The following KCNQ1 variants were observed in gnomAD, a reference collection of about 807,000 sequenced individuals.
KCNQ1 encodes the protein potassium voltage-gated channel subfamily KQT member 1.
Under a neutral mutation model 72.4 loss-of-function variants are expected in KCNQ1, and 49 were observed. The ratio of observed to expected loss-of-function variants is 0.68; its 90% CI spans 0.54 to 0.86. The LOEUF is 0.86. KCNQ1 is among the 40% of genes least tolerant of loss of function. KCNQ1 has a pLI of 0.00. For synonymous variants in KCNQ1, 450 were observed against 412.6 expected (o/e 1.09, Z -1.10); for missense variants, 790 against 945.1 (o/e 0.84, Z 2.15).
chr11:2,472,418 G>T (rs763543021), intron 1 of KCNQ1, among the ~76,000 whole-genome samples: 2 of 151,668 alleles, frequency 1.3e-5, no homozygotes, highest in Non-Finnish European at 2.9e-5. Flanking sequence ...GCACCTATGG[G>T]TGTGTGTGTG....
Position 2,621,854 on chromosome 11 carries a change from A to G in KCNQ1, c.1393+33000A>G, listed in dbSNP as rs11493163. The G allele has an allele frequency of 0.15, 60,003 of 397,820 alleles. 4,811 individuals carry two copies. The highest frequency in any genetic ancestry group is 0.17 in the Non-Finnish European group (39,286 of 225,818). The allele number at this position is 397,820 out of a possible 1,614,324, so 24.6% of individuals were successfully genotyped here. ...TTAGTTTTACTGACTTTTTTCCCCT[A>G]TGGTTTTTCTTTCTAACTTGTCTCT... On this transcript the variant is annotated intron_variant, in intron 10 of 15. Coordinates refer to ENST00000155840, the MANE Select transcript of KCNQ1 (RefSeq NM_000218.3). This position sits in a 1 kb window ranked among gnomAD's most constrained non-coding sequence, Gnocchi z 5.7.
intron 11 of KCNQ1, among the ~76,000 whole-genome samples, chr11:2,716,830 G>T (rs1272001995): frequency 6.6e-6 from 1 of 152,252 alleles, no homozygotes; most frequent in Non-Finnish European, 1.5e-5. Context: ...CACATTTGGA[G>T]GGAGCCGAGG....
At chr11:2,631,733 A>G (rs900847543) in intron 10 of KCNQ1, 1 of 398,620 alleles carries the variant, frequency 2.5e-6, no homozygotes, top group Non-Finnish European at 4.4e-6. Flanking sequence ...ATGAGGATAT[A>G]ATGGAATACT....
At position 2,735,159 on chromosome 11, in the gene KCNQ1, G is replaced by A. The variant is rs1480054446; in HGVS notation, c.1515-33685G>A. Among the ~76,000 whole-genome samples, 1 of 152,190 alleles carries A rather than the reference G, an allele frequency of 6.6e-6. No homozygotes were observed. The highest frequency in any genetic ancestry group is 1.5e-5 in the Non-Finnish European group (1 of 68,024). On this transcript the variant is annotated intron_variant, in intron 11 of 15. Transcript: ENST00000155840. This position sits in a 1 kb window ranked among gnomAD's most constrained non-coding sequence, Gnocchi z 7.7. ...AAACCTGACAGCAGCGCCGCAGCAGGACAGGGAGGGACTGTGTGTGAGAGC... is the reference window on the plus strand; with the variant it reads ...AAACCTGACAGCAGCGCCGCAGCAGAACAGGGAGGGACTGTGTGTGAGAGC...
intron 11 of KCNQ1, chr11:2,665,388 C>G (rs546682651): frequency 1.5e-5 from 6 of 398,214 alleles, no homozygotes; most frequent in African/African-American, 4.1e-5. Context: ...CCCTGTACCC[C>G]AAGAGCCAGG....
At chr11:2,637,044 T>G (rs919971364) in intron 10 of KCNQ1, 1 of 152,218 alleles carries the variant, frequency 6.6e-6, no homozygotes, top group Non-Finnish European at 1.5e-5. Flanking sequence ...CCCTTTATCA[T>G]TTTTTATTGC....
rs977464071 is a variant in KCNQ1, at chr11:2,446,330, T to G, written c.386+846T>G. Among the ~76,000 whole-genome samples, 1 of 152,198 alleles carries G rather than the reference T, an allele frequency of 6.6e-6. No individual in the cohort carries two copies. Among genetic ancestry groups the G allele is most frequent in the East Asian group, 1.9e-4 (1 of 5,190 alleles). On this transcript the variant is annotated intron_variant, in intron 1 of 15. Coordinates refer to ENST00000155840, the MANE Select transcript of KCNQ1 (RefSeq NM_000218.3). This position sits in a 1 kb window ranked among gnomAD's most constrained non-coding sequence, Gnocchi z 8.8. Reference sequence around the variant, plus strand: ...TGCCCCAGTGGCCCTACTTCCTGGCTGCCCAGCCAGCGGCCTTTTGGTGTG... The same window carrying G: ...TGCCCCAGTGGCCCTACTTCCTGGCGGCCCAGCCAGCGGCCTTTTGGTGTG...
intron 15 of KCNQ1, among the ~76,000 whole-genome samples, chr11:2,831,994 G>C (rs919715109): frequency 6.6e-6 from 1 of 152,068 alleles, no homozygotes; most frequent in East Asian, 1.9e-4. Flanking sequence ...CTGCTCCAGG[G>C]GGGTGGCCTG....
chr11:2,830,138 C>G lies in KCNQ1; in HGVS notation c.1795-17629C>G, dbSNP rs1443489777. Among the ~76,000 whole-genome samples the G allele has an allele frequency of 6.6e-6, 1 of 151,970 alleles. No individual in the cohort carries two copies. The highest frequency in any genetic ancestry group is 1.9e-4 in the East Asian group (1 of 5,170). The stretch of plus-strand genomic sequence containing the variant: ...GGGTGCATGCCACCCTGGCTGGGAA[C>G]AGCAGGTGTGTGGTGAAGGGGAAAG... On this transcript the variant is annotated intron_variant, in intron 15 of 15. Coordinates refer to ENST00000155840, the MANE Select transcript of KCNQ1 (RefSeq NM_000218.3). This position sits in a 1 kb window ranked among gnomAD's most constrained non-coding sequence, Gnocchi z 7.7.
At chr11:2,590,583 C>T (rs1018139538) in intron 10 of KCNQ1, among the ~76,000 whole-genome samples, 2 of 152,246 alleles carry the variant, frequency 1.3e-5, no homozygotes, top group East Asian at 3.8e-4. Context: ...TCCCCTTTGA[C>T]CACTTGCTGT....
chr11:2,687,367 G>C lies in KCNQ1; in HGVS notation c.1514+25286G>C. The C allele has an allele frequency of 2.5e-6, 1 of 398,698 alleles. No individual in the cohort carries two copies. The highest frequency in any genetic ancestry group is 4.4e-6 in the Non-Finnish European group (1 of 226,104). 24.7% of individuals were successfully genotyped at this position (398,698 alleles called of 1,614,324 possible). ...GAGGTAGCCAGGTCTGCCTTGGGCT[G>C]TCACTCAGGGCTGAGCTCTGCTGAA... On this transcript the variant is annotated intron_variant, in intron 11 of 15. Transcript: ENST00000155840. This position sits in a 1 kb window ranked among gnomAD's most constrained non-coding sequence, Gnocchi z 5.0.
intron 2 of KCNQ1, among the ~76,000 whole-genome samples, chr11:2,533,492 G>T (rs1381485307): frequency 6.6e-6 from 1 of 152,240 alleles, no homozygotes; most frequent in Non-Finnish European, 1.5e-5. Flanking sequence ...ACGTGTGTAC[G>T]TACGTGCATG....
At chr11:2,521,057 TA>T (rs1364060919) in intron 1 of KCNQ1, among the ~76,000 whole-genome samples, 2 of 152,120 alleles carry the variant, frequency 1.3e-5, no homozygotes, top group African/African-American at 4.8e-5. Flanking sequence ...GTTTTTTTTT[TA>T]TTGTGATAAA....
At chr11:2,791,714 C>T (rs1334241286) in intron 15 of KCNQ1, among the ~76,000 whole-genome samples, 1 of 152,066 alleles carries the variant, frequency 6.6e-6, no homozygotes, top group Non-Finnish European at 1.5e-5. Flanking sequence ...GGTGGGGGGC[C>T]CGGGCCTCCC....
intron 2 of KCNQ1, among the ~76,000 whole-genome samples, chr11:2,569,357 C>T (rs1005042771): frequency 6.6e-6 from 1 of 152,236 alleles, no homozygotes; most frequent in East Asian, 1.9e-4. Context: ...AAACACATGC[C>T]GGATGGTGTA....
At chr11:2,582,291 C>T (rs1835342721) in intron 6 of KCNQ1, among the ~76,000 whole-genome samples, 1 of 152,226 alleles carries the variant, frequency 6.6e-6, no homozygotes, top group Non-Finnish European at 1.5e-5. Flanking sequence ...CACCCTCCCT[C>T]CTCCTCAGTG....
intron 15 of KCNQ1, among the ~76,000 whole-genome samples, chr11:2,798,397 T>C (rs1248095338): frequency 1.3e-5 from 2 of 152,160 alleles, no homozygotes; most frequent in Non-Finnish European, 2.9e-5. Context: ...ATCTGAGCCG[T>C]TCCCACAAAA....
Position 2,450,995 on chromosome 11 carries a change from G to C in KCNQ1, c.386+5511G>C, listed in dbSNP as rs924226895. Among the ~76,000 whole-genome samples, 1 of 152,126 alleles carries C rather than the reference G, an allele frequency of 6.6e-6. No individual in the cohort carries two copies. The highest frequency in any genetic ancestry group is 1.5e-5 in the Non-Finnish European group (1 of 68,024). On this transcript the variant is annotated intron_variant, in intron 1 of 15. Coordinates refer to ENST00000155840, the MANE Select transcript of KCNQ1 (RefSeq NM_000218.3). The surrounding 1 kb of genome is among the most constrained non-coding windows in gnomAD (Gnocchi z 7.9). ...GGACCCAGGTGTCTTCCCACTTCTC[G>C]ACCATCTCCTGGGAAGTTCTAATGT...
At chr11:2,524,154 A>T (rs559544677) in intron 1 of KCNQ1, among the ~76,000 whole-genome samples, 90 of 152,234 alleles carry the variant, frequency 5.9e-4, no homozygotes, top group Non-Finnish European at 1.0e-3. Context: ...GGAGGATCTG[A>T]GTTGGAGGAA....
Sources: allele counts gnomAD v4.1 joint callset (sites outside exome capture counted in the v4.1 genomes callset), GRCh38; gene constraint gnomAD v4.1.1; non-coding constraint Gnocchi (gnomAD v3.1); transcripts MANE v1.5; gene names NCBI Gene and HGNC (gene_info 2026-07-23, HGNC 2026-07-21).